The following TMEM87A variants were observed in gnomAD, a reference collection of about 807,000 sequenced individuals.
The protein encoded by TMEM87A is Golgi-pH regulating cation channel.
In TMEM87A, 50 loss-of-function variants were observed where a neutral mutation model predicts 90.0. That is an observed-to-expected ratio of 0.56 (90% confidence interval 0.44 to 0.70). TMEM87A has a LOEUF of 0.70. TMEM87A is among the 30% of genes least tolerant of loss of function. The probability of loss-of-function intolerance (pLI) is 0.00; values close to 1 mark genes in which losing one functional copy is unlikely to be tolerated. For synonymous variants in TMEM87A, 226 were observed against 226.7 expected, an observed-to-expected ratio of 1.00 and a Z score of 0.03; for missense variants, 577 against 660.5, an observed-to-expected ratio of 0.87 and a Z score of 1.39.
chr15:42,258,951 A>C, intron 6 of TMEM87A: 1 of 1,067,846 alleles, frequency 9.4e-7, no homozygotes, highest in Non-Finnish European at 1.4e-6. Flanking sequence ...AAAGTCTTTC[A>C]ACAATCCAAG....
At chr15:42,273,225 G>C (rs775232794) in intron 1 of TMEM87A, 30 bp downstream of exon 1, 1 of 1,612,922 alleles carries the variant, frequency 6.2e-7, no homozygotes, top group Non-Finnish European at 8.5e-7. Context: ...TGCTCCTCTA[G>C]GTTCAGACGT....
chr15:42,212,192 T>A (rs1008047238), intron 19 of TMEM87A, among the ~76,000 whole-genome samples: 10 of 152,226 alleles, frequency 6.6e-5, no homozygotes, highest in Non-Finnish European at 1.2e-4. Context: ...CTACACTTTT[T>A]AAAAATCATG....
rs757516070 is a variant in TMEM87A at position 42,227,712 on chromosome 15, G to A, written c.1298C>T (p.Ser433Leu). The A allele has an allele frequency of 8.7e-6, 14 of 1,613,194 alleles. No individual in the cohort carries two copies. The highest frequency in any genetic ancestry group is 1.6e-4 in the Middle Eastern group (1 of 6,062). Residue 433 changes from serine (S) to leucine (L), a missense_variant and splice_region_variant, in exon 14 of 20, where the codon TCG becomes TTG. Ser to Leu is a moderately radical substitution (Grantham distance 145). Coordinates refer to ENST00000389834, the MANE Select transcript of TMEM87A (RefSeq NM_015497.5). The stretch of plus-strand genomic sequence containing the variant: ...TTCATAAATGTGCTTATAACTCACC[G>A]ACTGACATGTCACTATTCTGAACTT... ...TMKFRIVTCQ[S>L]DWRELWVDDA...
At chr15:42,264,699 A>ATATATATTTTTT (rs10681614) in intron 3 of TMEM87A, among the ~76,000 whole-genome samples, 336 of 109,416 alleles carry the variant, frequency 3.1e-3, no homozygotes, top group Middle Eastern at 0.011. Context: ...ATATATATAT[A>ATATATATTTTTT]TTTTTTTTTT....
chr15:42,236,429 A>G lies in TMEM87A; in HGVS notation c.869-10T>C. 1 of 1,613,032 alleles carries G rather than the reference A, an allele frequency of 6.2e-7. No homozygotes were observed. ...ATCAAAGCACCCTGGACTATGAAAA[A>G]GAAGGGAAGAAATGGCACCATAATC... is the stretch of plus-strand genomic sequence containing the variant. On this transcript the variant is annotated splice_polypyrimidine_tract_variant and intron_variant, in intron 9 of 19. Coordinates refer to ENST00000389834, the MANE Select transcript of TMEM87A (RefSeq NM_015497.5).
At chr15:42,265,496 T>A (rs2051385137) in intron 3 of TMEM87A, among the ~76,000 whole-genome samples, 1 of 152,008 alleles carries the variant, frequency 6.6e-6, no homozygotes, top group African/African-American at 2.4e-5. Context: ...TTGTTGGCTG[T>A]ATATCTTCTT....
At chr15:42,216,953 TTTC>T (rs1363933694) in intron 19 of TMEM87A, among the ~76,000 whole-genome samples, 1 of 149,896 alleles carries the variant, frequency 6.7e-6, no homozygotes, top group African/African-American at 2.5e-5. Flanking sequence ...CACAATTCTT[TTTC>T]TTTTCTTTTT....
intron 7 of TMEM87A, among the ~76,000 whole-genome samples, chr15:42,242,582 C>G (rs963624946): frequency 6.6e-6 from 1 of 151,082 alleles, no homozygotes; most frequent in Non-Finnish European, 1.5e-5. Flanking sequence ...GAGAGAGAGA[C>G]AGACAGACAG....
intron 15 of TMEM87A, among the ~76,000 whole-genome samples, chr15:42,222,345 C>T (rs962869860): frequency 3.8e-4 from 57 of 151,388 alleles, no homozygotes; most frequent in African/African-American, 1.3e-3. Context: ...GCATGAACCA[C>T]GGTGCCTGGC....
At chr15:42,261,400 T>A in intron 4 of TMEM87A, 151 bp from the exon 5 acceptor site, 1 of 607,890 alleles carries the variant, frequency 1.6e-6, no homozygotes. Flanking sequence ...CATTTCCAAT[T>A]AACCACAAAC....
intron 7 of TMEM87A, among the ~76,000 whole-genome samples, chr15:42,241,632 G>A (rs1161257391): frequency 1.3e-5 from 2 of 152,056 alleles, no homozygotes; most frequent in South Asian, 2.1e-4. Flanking sequence ...GAAGAAAAAT[G>A]ATAAAACTGT....
At chr15:42,237,880 T>C (rs1056245299) in intron 8 of TMEM87A, among the ~76,000 whole-genome samples, 3 of 152,156 alleles carry the variant, frequency 2.0e-5, no homozygotes, top group African/African-American at 4.8e-5. Flanking sequence ...ACCTTCTAGT[T>C]AAGAAATAAT....
intron 7 of TMEM87A, among the ~76,000 whole-genome samples, chr15:42,241,919 T>C (rs1407609134): frequency 1.3e-5 from 2 of 151,560 alleles, no homozygotes; most frequent in East Asian, 1.9e-4. Flanking sequence ...ATACAAAAAT[T>C]AGCTAGGTGT....
rs541166781 is a variant in TMEM87A, at chr15:42,247,753, T to A, written c.505-3586A>T. Among the ~76,000 whole-genome samples, 80 of 152,294 alleles carry A rather than the reference T, an allele frequency of 5.3e-4. 1 individual carries two copies. Among genetic ancestry groups the A allele is most frequent in the Admixed American group, 9.2e-4 (14 of 15,296 alleles). ...CCAACTTTGTTCTCTTTGCTTAGGA[T>A]TGTCTTGGCAATGTGGGCTCTTTTT... On this transcript the variant is annotated intron_variant, in intron 6 of 19. Transcript: ENST00000389834.
chr15:42,260,942 C>A lies in TMEM87A; in HGVS notation c.504+16G>T. 6.2e-7 allele frequency: 1 copy of A among 1,605,286 alleles called. No individual in the cohort carries two copies. The highest frequency in any genetic ancestry group is 8.5e-7 in the Non-Finnish European group (1 of 1,176,186). ...AAAATATGTGTTCAATGCCCCAAAT[C>A]CCCAAATATACTTACGGTTTTGTCT... On this transcript the variant is annotated intron_variant, in intron 6 of 19. Transcript: ENST00000389834.
chr15:42,211,697 C>A lies in TMEM87A; in HGVS notation c.*11G>T. 2 of 1,612,828 alleles carry A rather than the reference C, an allele frequency of 1.2e-6. No individual in the cohort carries two copies. The highest frequency in any genetic ancestry group is 1.1e-5 in the South Asian group (1 of 90,980). On this transcript the variant is annotated 3_prime_UTR_variant, in exon 20 of 20. Coordinates refer to ENST00000389834, the MANE Select transcript of TMEM87A (RefSeq NM_015497.5). ...ATGGTAGCCATCTTTAACTGCAAAT[C>A]TTCCCATTCCTTACTCCATTTTGGA... is the stretch of plus-strand genomic sequence containing the variant.
chr15:42,273,243 G>GTGAA lies in TMEM87A; in HGVS notation c.144+8_144+11dup, dbSNP rs1387990532. The GTGAA allele has an allele frequency of 6.2e-7, 1 of 1,613,902 alleles. No individual in the cohort carries two copies. The highest frequency in any genetic ancestry group is 8.5e-7 in the Non-Finnish European group (1 of 1,179,978). On this transcript the variant is annotated intron_variant, in intron 1 of 19. Transcript: ENST00000389834. The stretch of plus-strand genomic sequence containing the variant: ...TCCTCTAGGTTCAGACGTTAGTGAA[G>GTGAA]TGAATACTCACCGACGGTATCGGAA...
At chr15:42,254,790 C>T (rs563294117) in intron 6 of TMEM87A, among the ~76,000 whole-genome samples, 3 of 152,310 alleles carry the variant, frequency 2.0e-5, no homozygotes, top group African/African-American at 7.2e-5. Flanking sequence ...GATGTCTTTA[C>T]ACATTTATCA....
chr15:42,273,543 T>A (rs2051610265), upstream of TMEM87A: 3 of 1,375,332 alleles, frequency 2.2e-6, no homozygotes, highest in Admixed American at 4.8e-5. Context: ...GCGGCCCCTC[T>A]CTCAGACAGT....
Sources: gnomAD v4.1 joint callset for allele counts (sites outside exome capture counted in the v4.1 genomes callset) on GRCh38, gnomAD v4.1.1 for gene constraint, MANE v1.5 for transcripts, NCBI Gene and HGNC (gene_info 2026-07-23, HGNC 2026-07-21) for gene names.